CACNB2: variants seen among roughly 807,000 people sequenced by gnomAD.
The protein encoded by CACNB2 is voltage-dependent L-type calcium channel subunit beta-2.
Under a neutral mutation model 73.3 loss-of-function variants are expected in CACNB2, and 42 were observed. That is an observed-to-expected ratio of 0.57 (90% CI 0.45 to 0.74). The LOEUF is 0.74. Among genes scored for constraint, CACNB2 ranks in the 30% least tolerant of loss-of-function variants. CACNB2 has a pLI of 0.00. For missense variants in CACNB2, 940 were observed against 853.0 expected (o/e 1.10, Z -1.27); for synonymous variants, 348 against 310.3 (o/e 1.12, Z -1.28).
In CACNB2 at chr10:18,425,322, G is replaced by A. The variant is rs374454121; in HGVS notation, c.333+23279G>A. Among the ~76,000 whole-genome samples, 9 of 152,178 alleles carry A rather than the reference G, an allele frequency of 5.9e-5. No individual in the cohort carries two copies. In the East Asian group the frequency reaches 1.2e-3, roughly 20 times the overall value. ...AGCATTCTTAATACCAATCAAGTCCGATGTATCTATCTTTTCTGTCACTAT... is the reference window on the plus strand; with the variant it reads ...AGCATTCTTAATACCAATCAAGTCCAATGTATCTATCTTTTCTGTCACTAT... On this transcript the variant is annotated intron_variant, in intron 3 of 13. Coordinates refer to ENST00000324631, the MANE Select transcript of CACNB2 (RefSeq NM_201596.3).
At position 18,542,808 on chromosome 10, in the gene CACNB2, T is replaced by C. The variant is rs1183219942; in HGVS notation, c.*3084T>C. The stretch of plus-strand genomic sequence containing the variant: ...TACAGTCTTTTCACACAACAAAGGC[T>C]TAACCTTAACCTACTCAGTTGTAGA... On this transcript the variant is annotated 3_prime_UTR_variant, in exon 14 of 14. Coordinates refer to ENST00000324631, the MANE Select transcript of CACNB2 (RefSeq NM_201596.3). The C allele has an allele frequency of 3.9e-5, 6 of 152,088 alleles. No individual in the cohort carries two copies. Among genetic ancestry groups the C allele is most frequent in the Admixed American group, 1.3e-4 (2 of 15,254 alleles). The allele number at this position is 152,088 out of a possible 1,614,324, so 9.4% of individuals were successfully genotyped here.
At chr10:18,344,450 A>G (rs892901634) in intron 2 of CACNB2, among the ~76,000 whole-genome samples, 2 of 151,646 alleles carry the variant, frequency 1.3e-5, no homozygotes, top group Non-Finnish European at 2.9e-5. Flanking sequence ...GCTCACTGAA[A>G]CCTCCACCTT....
At chr10:18,330,206 C>T (rs1342056342) in intron 2 of CACNB2, among the ~76,000 whole-genome samples, 1 of 151,998 alleles carries the variant, frequency 6.6e-6, no homozygotes, top group Admixed American at 6.6e-5. Flanking sequence ...AAATCGCATT[C>T]ATTATTTAAT....
At chr10:18,279,906 T>A (rs1001837844) in intron 2 of CACNB2, among the ~76,000 whole-genome samples, 4 of 152,086 alleles carry the variant, frequency 2.6e-5, no homozygotes, top group African/African-American at 9.7e-5. Flanking sequence ...ATGACAAAAG[T>A]CCGTCTCTAC....
At chr10:18,146,759 G>A (rs1311450327) in intron 1 of CACNB2, among the ~76,000 whole-genome samples, 1 of 151,988 alleles carries the variant, frequency 6.6e-6, no homozygotes, top group South Asian at 2.1e-4. Context: ...GTGCTGGGAT[G>A]ACAGGTGTGA....
chr10:18,499,795 A>T (rs1441622587), intron 4 of CACNB2, among the ~76,000 whole-genome samples: 1 of 92,192 alleles, frequency 1.1e-5, no homozygotes, highest in Non-Finnish European at 2.1e-5. Flanking sequence ...ACAGGGTAAA[A>T]CCCCATCTCT....
chr10:18,443,930 G>T (rs1367432382), intron 3 of CACNB2, among the ~76,000 whole-genome samples: 1 of 152,108 alleles, frequency 6.6e-6, no homozygotes, highest in East Asian at 1.9e-4. Context: ...GGCCAGACTA[G>T]TCTTGAATGC....
intron 3 of CACNB2, among the ~76,000 whole-genome samples, chr10:18,411,506 A>ATTTTT (rs72400253): frequency 8.0e-6 from 1 of 125,690 alleles, no homozygotes; most frequent in Non-Finnish European, 1.6e-5. Flanking sequence ...GTCTTTGAGC[A>ATTTTT]TTTTTTTTTT....
At chr10:18,222,414 A>G (rs894420368) in intron 2 of CACNB2, among the ~76,000 whole-genome samples, 13 of 92,356 alleles carry the variant, frequency 1.4e-4, no homozygotes, top group African/African-American at 3.6e-4. Context: ...ACATACACAC[A>G]CACACACACA....
chr10:18,223,516 A>G (rs552380264), intron 2 of CACNB2, among the ~76,000 whole-genome samples: 2 of 152,314 alleles, frequency 1.3e-5, no homozygotes, highest in Admixed American at 6.5e-5. Flanking sequence ...AGCAATCGTT[A>G]TAGTAAAAAT....
chr10:18,361,856 G>T (rs2042156187), intron 2 of CACNB2, among the ~76,000 whole-genome samples: 1 of 151,918 alleles, frequency 6.6e-6, no homozygotes, highest in African/African-American at 2.4e-5. Flanking sequence ...CAAGCAATCT[G>T]CCCGCCTCTA....
Position 18,222,057 on chromosome 10 carries a change from T to C in CACNB2, c.213+71082T>C, listed in dbSNP as rs548861732. ...GAAAGGCAGTGATATCAGTAGTTGC[T>C]AACGTTACAAGGAAAGGAAGAACCT... On this transcript the variant is annotated intron_variant, in intron 2 of 13. Coordinates refer to ENST00000324631, the MANE Select transcript of CACNB2 (RefSeq NM_201596.3). Among the ~76,000 whole-genome samples the C allele has an allele frequency of 5.6e-4, 85 of 152,296 alleles. No homozygotes were observed. The South Asian group carries it at 0.016, about 29-fold the overall frequency.
intron 2 of CACNB2, among the ~76,000 whole-genome samples, chr10:18,287,023 G>A (rs1369551466): frequency 6.6e-6 from 1 of 152,064 alleles, no homozygotes; most frequent in East Asian, 1.9e-4. Context: ...ACTAATATAG[G>A]CATACTTTAA....
chr10:18,246,519 T>A (rs929037062), intron 2 of CACNB2, among the ~76,000 whole-genome samples: 2 of 152,142 alleles, frequency 1.3e-5, no homozygotes, highest in Non-Finnish European at 2.9e-5. Flanking sequence ...GGGGTTGAAA[T>A]GCATTATCTC....
intron 3 of CACNB2, among the ~76,000 whole-genome samples, chr10:18,453,416 G>A (rs776159066): frequency 4.0e-4 from 61 of 152,094 alleles, no homozygotes; most frequent in Non-Finnish European, 8.1e-4. Flanking sequence ...TCCCTCCATC[G>A]CCTCCACAGG....
At chr10:18,239,194 C>T (rs917104571) in intron 2 of CACNB2, among the ~76,000 whole-genome samples, 1 of 152,030 alleles carries the variant, frequency 6.6e-6, no homozygotes, top group African/African-American at 2.4e-5. Context: ...TTAGCAGGTA[C>T]AAGTACAGTT....
At chr10:18,459,720 A>T (rs1589420698) in intron 3 of CACNB2, among the ~76,000 whole-genome samples, 1 of 152,196 alleles carries the variant, frequency 6.6e-6, no homozygotes, top group South Asian at 2.1e-4. Flanking sequence ...TAAAAGTAGA[A>T]TGCTGGCCGG....
chr10:18,391,861 G>A (rs1463418052), intron 2 of CACNB2, among the ~76,000 whole-genome samples: 1 of 145,790 alleles, frequency 6.9e-6, no homozygotes, highest in Non-Finnish European at 1.5e-5. Context: ...TCAGGAGACA[G>A]AGGTTGCAGT....
chr10:18,523,415 G>C (rs1263806965), intron 9 of CACNB2, among the ~76,000 whole-genome samples: 1 of 152,206 alleles, frequency 6.6e-6, no homozygotes, highest in African/African-American at 2.4e-5. Flanking sequence ...ACCCATGTTC[G>C]AGTGTATCAG....
Sources: allele counts gnomAD v4.1 joint callset (sites outside exome capture counted in the v4.1 genomes callset), GRCh38; gene constraint gnomAD v4.1.1; transcripts MANE v1.5; gene names NCBI Gene and HGNC (gene_info 2026-07-23, HGNC 2026-07-21).